Variants in TECPR2 observed in about 807,000 individuals in gnomAD.
The protein encoded by TECPR2 is tectonin beta-propeller repeat-containing protein 2.
A neutral mutation model predicts 138.1 loss-of-function variants in TECPR2; 65 were observed. That is an observed-to-expected ratio of 0.47 (90% CI 0.39 to 0.58). The LOEUF is 0.58. TECPR2 is among the 20% of genes least tolerant of loss of function. TECPR2 has a pLI of 0.00. For missense variants in TECPR2, 1,553 were observed against 1,824.5 expected, an observed-to-expected ratio of 0.85 and a Z score of 2.71; for synonymous variants, 746 against 749.8, an observed-to-expected ratio of 0.99 and a Z score of 0.08.
intron 2 of TECPR2, among the ~76,000 whole-genome samples, chr14:102,399,729 G>A (rs574821715): frequency 1.3e-5 from 2 of 151,986 alleles, no homozygotes; most frequent in Non-Finnish European, 2.9e-5. Context: ...ACTCAAGGAG[G>A]CTGAGGCAGG....
At chr14:102,496,703 A>C (rs1891290198) in intron 17 of TECPR2, among the ~76,000 whole-genome samples, 2 of 152,154 alleles carry the variant, frequency 1.3e-5, no homozygotes, top group Non-Finnish European at 1.5e-5. Flanking sequence ...CTCTCTGTTC[A>C]CCTGGGCCAT....
At chr14:102,381,802 A>T (rs1288601029) in intron 2 of TECPR2, among the ~76,000 whole-genome samples, 2 of 152,218 alleles carry the variant, frequency 1.3e-5, no homozygotes, top group East Asian at 3.8e-4. Context: ...TAAATACAAT[A>T]GATGATTTTT....
At position 102,363,088 on chromosome 14, in the gene TECPR2, CGACGAGTCCGGAGGGGCT is replaced by C; in HGVS notation, c.-99_-82del. On this transcript the variant is annotated 5_prime_UTR_variant, in exon 1 of 20. Transcript: ENST00000359520. ...CCCGCCTCCTCCGGCCCGGCGGGGCCGACGAGTCCGGAGGGGCTGCCGCGGGAGGTGAGTCCGGCGACG... is the reference window on the plus strand; with the variant it reads ...CCCGCCTCCTCCGGCCCGGCGGGGCCGCCGCGGGAGGTGAGTCCGGCGACG... 2.1e-6 allele frequency: 1 copy of C among 475,558 alleles called. No individual in the cohort carries two copies. Among genetic ancestry groups the C allele is most frequent in the Non-Finnish European group, 3.7e-6 (1 of 273,172 alleles). The allele number at this position is 475,558 out of a possible 1,614,324, so 29.5% of individuals were successfully genotyped here. A position where few individuals can be genotyped will look rare whatever the true frequency, so the allele number is the denominator to read the frequency against.
chr14:102,437,544 T>A (rs1889701062), intron 9 of TECPR2, among the ~76,000 whole-genome samples: 1 of 150,370 alleles, frequency 6.7e-6, no homozygotes, highest in Admixed American at 6.6e-5. Flanking sequence ...ACAGAGCGAG[T>A]CTCTGTCTCA....
chr14:102,465,512 C>A (rs897847022), intron 17 of TECPR2: 89 of 1,249,320 alleles, frequency 7.1e-5, no homozygotes, highest in Non-Finnish European at 7.8e-5. Context: ...TGAGTCAACA[C>A]GTATATTTTC....
intron 17 of TECPR2, chr14:102,496,769 C>T (rs912605754): frequency 1.3e-5 from 9 of 691,352 alleles, no homozygotes; most frequent in South Asian, 1.9e-5. Flanking sequence ...TGGGCTGTCC[C>T]TCAGTCTGGC....
intron 18 of TECPR2, 30 bp downstream of exon 18, chr14:102,497,150 C>T: frequency 6.3e-7 from 1 of 1,598,580 alleles, no homozygotes; most frequent in Non-Finnish European, 8.5e-7. Context: ...GCCTGTGGTG[C>T]CGGCCAGCCG....
At chr14:102,440,028 A>G (rs904660964) in intron 10 of TECPR2, among the ~76,000 whole-genome samples, 9 of 152,188 alleles carry the variant, frequency 5.9e-5, no homozygotes, top group Admixed American at 5.2e-4. Flanking sequence ...CTAGGGCACT[A>G]GTTGTGCTTA....
At chr14:102,477,551 GT>G (rs549249042) in intron 17 of TECPR2, among the ~76,000 whole-genome samples, 14,798 of 126,694 alleles carry the variant, frequency 0.12, 857 homozygotes, top group African/African-American at 0.2. Flanking sequence ...TGTAGAGCTG[GT>G]TTTTTTTTTT....
intron 17 of TECPR2, among the ~76,000 whole-genome samples, chr14:102,468,135 C>T (rs578059474): frequency 5.9e-5 from 9 of 151,820 alleles, no homozygotes; most frequent in African/African-American, 2.2e-4. Context: ...CGTGTGCCAC[C>T]ACGCCCAGCC....
At chr14:102,474,251 G>C (rs186737074) in intron 17 of TECPR2, among the ~76,000 whole-genome samples, 1 of 152,168 alleles carries the variant, frequency 6.6e-6, no homozygotes, top group African/African-American at 2.4e-5. Flanking sequence ...CTGGGCAACA[G>C]AGCAAGACCC....
intron 17 of TECPR2, among the ~76,000 whole-genome samples, chr14:102,488,081 T>C (rs1037463154): frequency 4.0e-5 from 6 of 151,056 alleles, no homozygotes; most frequent in African/African-American, 1.5e-4. Context: ...GGACCTCAGG[T>C]GATACGCCTG....
intron 17 of TECPR2, among the ~76,000 whole-genome samples, chr14:102,471,096 C>A (rs978219004): frequency 6.6e-6 from 1 of 151,682 alleles, no homozygotes; most frequent in Non-Finnish European, 1.5e-5. Context: ...GGATTACAGA[C>A]GTGAGTCACT....
chr14:102,449,992 G>GCCTCCACTAGACACT, intron 14 of TECPR2, 123 bp downstream of exon 14: 1 of 1,401,716 alleles, frequency 7.1e-7, no homozygotes, highest in Non-Finnish European at 9.6e-7. Flanking sequence ...GGTATGAAGT[G>GCCTCCACTAGACACT]TCTAGTGGAG....
rs980573717 is a variant in TECPR2, at chr14:102,498,451, C to T, written c.*194C>T. ...ACCCACAGCCTCCACCCGTGGCTGG[C>T]GTGATTGCTGCAGCAGTGGCGCCTC... On this transcript the variant is annotated 3_prime_UTR_variant, in exon 20 of 20. Coordinates refer to ENST00000359520, the MANE Select transcript of TECPR2 (RefSeq NM_014844.5). 1.4e-5 allele frequency: 10 copies of T among 738,628 alleles called. No individual in the cohort carries two copies. Among genetic ancestry groups the T allele is most frequent in the South Asian group, 3.8e-5 (2 of 53,110 alleles). The allele number at this position is 738,628 out of a possible 1,614,324, so 45.8% of individuals were successfully genotyped here.
Position 102,497,102 on chromosome 14 carries a change from G to T in TECPR2, c.3913G>T (p.Ala1305Ser), listed in dbSNP as rs573719989. 81 of 1,611,914 alleles carry T rather than the reference G, an allele frequency of 5.0e-5. 1 individual carries two copies. The South Asian group carries it at 8.1e-4, about 16-fold the overall frequency. Residue 1305 changes from alanine (A) to serine (S), a missense_variant, in exon 18 of 20, where the codon GCC becomes TCC. Physicochemically the swap from Ala to Ser is moderately conservative, Grantham distance 99. Coordinates refer to ENST00000359520, the MANE Select transcript of TECPR2 (RefSeq NM_014844.5). ...GITEEMPVGT[A>S]WEHVPGLQAC... ...CACCGAGGAGATGCCTGTGGGGACC[G>T]CCTGGGAGCATGTGCCAGGTAGGAG...
chr14:102,365,534 A>C (rs1030219474), intron 1 of TECPR2, among the ~76,000 whole-genome samples: 22 of 152,370 alleles, frequency 1.4e-4, no homozygotes, highest in Non-Finnish European at 2.8e-4. Context: ...AAGGCTGTTC[A>C]GCAATAAAAA....
rs773753400 is a variant in TECPR2, at chr14:102,493,588, G to T, written c.3790-3391G>T. 3.1e-4 allele frequency among the ~76,000 whole-genome samples: 47 copies of T among 152,364 alleles called. 1 individual carries two copies. The highest frequency in any genetic ancestry group is 1.1e-3 in the African/African-American group (46 of 41,590). On this transcript the variant is annotated intron_variant, in intron 17 of 19. Transcript: ENST00000359520. ...TTAAGCTAAGTTCAGAGGGAAGGTG[G>T]TGAATAGAAATCCCAAACATCTGAT...
chr14:102,408,670 A>T, intron 4 of TECPR2, 51 bp downstream of exon 4: 1 of 1,534,474 alleles, frequency 6.5e-7, no homozygotes, highest in Middle Eastern at 1.7e-4. Context: ...TACATTTGGA[A>T]AAACTATATT....
Sources: gnomAD v4.1 joint callset for allele counts (sites outside exome capture counted in the v4.1 genomes callset) on GRCh38, gnomAD v4.1.1 for gene constraint, MANE v1.5 for transcripts, NCBI Gene and HGNC (gene_info 2026-07-23, HGNC 2026-07-21) for gene names.